SYN3: variants seen among roughly 807,000 people sequenced by gnomAD.
SYN3 encodes synapsin-3.
SYN3 carries 35 observed loss-of-function variants against 65.8 expected under a neutral mutation model. The observed-to-expected ratio is 0.53, with a 90% CI of 0.41 to 0.70. SYN3 has a LOEUF of 0.70. SYN3 is among the 30% of genes least tolerant of loss of function. The pLI is 0.00. For synonymous variants in SYN3, 270 were observed against 292.9 expected (o/e 0.92, Z 0.80); for missense variants, 680 against 749.0 (o/e 0.91, Z 1.08).
At chr22:32,716,877 A>T (rs73405125) in intron 6 of SYN3, among the ~76,000 whole-genome samples, 3,323 of 152,066 alleles carry the variant, frequency 0.022, 113 homozygotes, top group African/African-American at 0.074. Flanking sequence ...CATTTTAAGT[A>T]TTTTTAAGTG....
At chr22:32,904,416 C>T (rs570201032) in intron 4 of SYN3, among the ~76,000 whole-genome samples, 28 of 152,286 alleles carry the variant, frequency 1.8e-4, no homozygotes, top group Middle Eastern at 3.4e-3. Flanking sequence ...AGATGGAAGG[C>T]GCCTGGTTGG....
At chr22:32,563,329 G>A (rs1162694791) in intron 7 of SYN3, among the ~76,000 whole-genome samples, 1 of 152,230 alleles carries the variant, frequency 6.6e-6, no homozygotes, top group East Asian at 1.9e-4. Flanking sequence ...AAGTACACCA[G>A]CAGATTACAG....
chr22:32,658,700 C>G (rs1029696477), intron 6 of SYN3, among the ~76,000 whole-genome samples: 1 of 151,872 alleles, frequency 6.6e-6, no homozygotes, highest in East Asian at 1.9e-4. Flanking sequence ...AACATGGGGT[C>G]GGGATGTGTA....
chr22:32,917,529 AT>A (rs1171027234), intron 4 of SYN3, among the ~76,000 whole-genome samples: 1 of 152,134 alleles, frequency 6.6e-6, no homozygotes, highest in Non-Finnish European at 1.5e-5. Context: ...CCACCGGGCA[AT>A]TTCTCCCACA....
intron 4 of SYN3, among the ~76,000 whole-genome samples, chr22:32,876,009 A>G (rs2048972452): frequency 6.6e-6 from 1 of 152,118 alleles, no homozygotes; most frequent in African/African-American, 2.4e-5. Context: ...GCATGGCCCC[A>G]TTCCCCACTT....
At chr22:33,024,165 C>G (rs556349974) in intron 1 of SYN3, among the ~76,000 whole-genome samples, 1 of 152,308 alleles carries the variant, frequency 6.6e-6, no homozygotes, top group East Asian at 1.9e-4. Context: ...CTGTATCAAT[C>G]ATTCAGAATG....
intron 1 of SYN3, among the ~76,000 whole-genome samples, chr22:33,022,318 T>C (rs2053574247): frequency 6.6e-6 from 1 of 152,192 alleles, no homozygotes; most frequent in Non-Finnish European, 1.5e-5. Context: ...CAGTGAAGTC[T>C]AGGGACAGGC....
At chr22:32,678,621 C>T (rs901558457) in intron 6 of SYN3, among the ~76,000 whole-genome samples, 2 of 151,344 alleles carry the variant, frequency 1.3e-5, no homozygotes, top group African/African-American at 4.9e-5. Flanking sequence ...TCTTCCTCTT[C>T]TTCCTCTTCC....
chr22:32,719,208 G>A (rs2061081727), intron 6 of SYN3, among the ~76,000 whole-genome samples: 1 of 152,176 alleles, frequency 6.6e-6, no homozygotes, highest in Non-Finnish European at 1.5e-5. Flanking sequence ...TCCTAGAATA[G>A]GACTTCACCA....
intron 4 of SYN3, among the ~76,000 whole-genome samples, chr22:32,873,436 G>C (rs140652278): frequency 6.6e-6 from 1 of 152,320 alleles, no homozygotes; most frequent in Non-Finnish European, 1.5e-5. Flanking sequence ...GTTGGGTTTG[G>C]AGAGTATTCC....
intron 5 of SYN3, among the ~76,000 whole-genome samples, chr22:32,868,639 T>C (rs1393805925): frequency 6.6e-6 from 1 of 151,896 alleles, no homozygotes; most frequent in African/African-American, 2.4e-5. Flanking sequence ...TTAGTAGAGA[T>C]GGGGTTTCTC....
chr22:32,639,499 C>A (rs1281484830), intron 6 of SYN3, among the ~76,000 whole-genome samples: 1 of 152,038 alleles, frequency 6.6e-6, no homozygotes, highest in Non-Finnish European at 1.5e-5. Context: ...GTTACGGTAG[C>A]CTCTTTTGCT....
intron 6 of SYN3, among the ~76,000 whole-genome samples, chr22:32,749,257 C>G (rs963375543): frequency 1.3e-4 from 20 of 151,942 alleles, no homozygotes; most frequent in African/African-American, 4.8e-4. Flanking sequence ...TAATCCCATT[C>G]ATGAGGGCTC....
intron 6 of SYN3, among the ~76,000 whole-genome samples, chr22:32,678,830 G>A (rs2060483022): frequency 6.6e-6 from 1 of 151,906 alleles, no homozygotes; most frequent in African/African-American, 2.4e-5. Context: ...TTTAAACTCT[G>A]AAATTTAACT....
At chr22:32,577,903 C>G (rs2058875684) in intron 7 of SYN3, among the ~76,000 whole-genome samples, 1 of 152,234 alleles carries the variant, frequency 6.6e-6, no homozygotes, top group Non-Finnish European at 1.5e-5. Context: ...CACTCTGCCT[C>G]TTACTTGGTG....
At chr22:32,694,770 T>C (rs2060713461) in intron 6 of SYN3, among the ~76,000 whole-genome samples, 1 of 152,186 alleles carries the variant, frequency 6.6e-6, no homozygotes, top group South Asian at 2.1e-4. Flanking sequence ...TATATATTTT[T>C]GGGGGGACTA....
chr22:32,644,073 CAAAA>C (rs1175308291), intron 6 of SYN3, among the ~76,000 whole-genome samples: 511 of 3,872 alleles, frequency 0.13, 19 homozygotes, highest in African/African-American at 0.23. Context: ...GACTCTGCCT[CAAAA>C]AAAAAAAAAA....
intron 7 of SYN3, among the ~76,000 whole-genome samples, chr22:32,550,634 A>T (rs2058399614): frequency 6.6e-6 from 1 of 151,892 alleles, no homozygotes; most frequent in Admixed American, 6.6e-5. Context: ...TGAATTTATG[A>T]TGTATTTTTC....
In SYN3 at chr22:32,928,757, C is replaced by G. The variant is rs189826647; in HGVS notation, c.461+2633G>C. Among the ~76,000 whole-genome samples, 1,407 of 152,274 alleles carry G rather than the reference C, an allele frequency of 9.2e-3. 18 individuals are homozygous for G. The highest frequency in any genetic ancestry group is 0.032 in the African/African-American group (1,310 of 41,558). ...TCAAATACTGTCTCTGCTCTATTCT[C>G]TTTTACCTCTCTCTTTTGAGATTCT... On this transcript the variant is annotated intron_variant, in intron 4 of 13. Transcript: ENST00000358763.
Sources: gnomAD v4.1 joint callset for allele counts (sites outside exome capture counted in the v4.1 genomes callset) on GRCh38, gnomAD v4.1.1 for gene constraint, MANE v1.5 for transcripts, NCBI Gene and HGNC (gene_info 2026-07-23, HGNC 2026-07-21) for gene names.